ZNF280D: variants seen among roughly 807,000 people sequenced by gnomAD.
ZNF280D encodes zinc finger protein 280D.
ZNF280D carries 39 observed loss-of-function variants against 94.7 expected under a neutral mutation model. The observed-to-expected ratio is 0.41, with a 90% CI of 0.32 to 0.54. The LOEUF is 0.54. Ranked by LOEUF, ZNF280D falls within the 20% of genes least tolerant of loss-of-function variation. The pLI, the probability that ZNF280D is intolerant of heterozygous loss-of-function variation, is 0.22. For missense variants in ZNF280D, 1,090 were observed against 1,149.3 expected (o/e 0.95, Z 0.75); for synonymous variants, 398 against 377.6 (o/e 1.05, Z -0.63).
intron 1 of ZNF280D, among the ~76,000 whole-genome samples, chr15:56,731,079 T>G (rs1280332972): frequency 6.6e-6 from 1 of 152,166 alleles, no homozygotes; most frequent in African/African-American, 2.4e-5. Flanking sequence ...TATTCAAGCC[T>G]TTAGACCCAA....
At position 56,642,990 on chromosome 15, in the gene ZNF280D, T is replaced by C; in HGVS notation, c.2221A>G (p.Lys741Glu). Residue 741 changes from lysine to glutamate, a missense_variant, in exon 20 of 22, where the codon AAA becomes GAA. Physicochemically the swap from Lys to Glu is moderately conservative, Grantham distance 56 (BLOSUM62 1). Transcript: ENST00000267807. Reference sequence around the variant, plus strand: ...TCTTGTTCCTTTGCGGGAGCTTCTTTTTTTAATCTTGAAAACAAGATAAGT... The same window carrying C: ...TCTTGTTCCTTTGCGGGAGCTTCTTCTTTTAATCTTGAAAACAAGATAAGT... Reference protein sequence around the residue: ...PTSEHLSELKKEAPAKEQEPV... With the variant: ...PTSEHLSELKEEAPAKEQEPV... 1 of 1,505,634 alleles carries C rather than the reference T, an allele frequency of 6.6e-7. No individual in the cohort carries two copies. The highest frequency in any genetic ancestry group is 8.8e-7 in the Non-Finnish European group (1 of 1,130,862). 93.3% of individuals were successfully genotyped at this position (1,505,634 alleles called of 1,614,324 possible). A position where few individuals can be genotyped will look rare whatever the true frequency, so the allele number is the denominator to read the frequency against.
intron 13 of ZNF280D, among the ~76,000 whole-genome samples, chr15:56,674,246 G>A (rs2055064644): frequency 6.6e-6 from 1 of 151,922 alleles, no homozygotes; most frequent in African/African-American, 2.4e-5. Context: ...GAGTCCTAAG[G>A]TAGAATACAT....
chr15:56,658,316 T>G, intron 17 of ZNF280D, 108 bp downstream of exon 17: 1 of 761,564 alleles, frequency 1.3e-6, no homozygotes, highest in South Asian at 1.8e-5. Flanking sequence ...TATAAACACA[T>G]AAATTGTATG....
chr15:56,723,674 T>C (rs184995595), intron 1 of ZNF280D, among the ~76,000 whole-genome samples: 28 of 152,272 alleles, frequency 1.8e-4, no homozygotes, highest in East Asian at 1.5e-3. Flanking sequence ...CCCAACCCTA[T>C]AGACTTCCTT....
chr15:56,707,635 C>T (rs1269350701), intron 1 of ZNF280D, among the ~76,000 whole-genome samples: 1 of 152,084 alleles, frequency 6.6e-6, no homozygotes, highest in African/African-American at 2.4e-5. Context: ...TAATCTTTAA[C>T]GTTATCTTTT....
intron 6 of ZNF280D, chr15:56,698,724 C>A (rs2056890273): frequency 6.6e-6 from 1 of 152,162 alleles, no homozygotes; most frequent in Non-Finnish European, 1.5e-5. Context: ...GTAAGGGCAT[C>A]TTGCTAAGGA....
At chr15:56,687,545 T>TA (rs1230833840) in intron 9 of ZNF280D, among the ~76,000 whole-genome samples, 1 of 152,044 alleles carries the variant, frequency 6.6e-6, no homozygotes, top group Non-Finnish European at 1.5e-5. Flanking sequence ...AGGAACCAGG[T>TA]AAAAAAAGAC....
intron 7 of ZNF280D, among the ~76,000 whole-genome samples, chr15:56,690,031 G>A (rs993496805): frequency 2.6e-5 from 4 of 152,212 alleles, no homozygotes; most frequent in South Asian, 4.1e-4. Flanking sequence ...CCCATTCATC[G>A]CTACGCAGAA....
intron 1 of ZNF280D, among the ~76,000 whole-genome samples, chr15:56,708,661 T>C (rs902059202): frequency 2.0e-4 from 30 of 152,244 alleles, no homozygotes; most frequent in Non-Finnish European, 4.4e-4. Flanking sequence ...AAAACAGAGA[T>C]ATAGGCCAAT....
intron 1 of ZNF280D, among the ~76,000 whole-genome samples, chr15:56,714,579 T>C (rs368405934): frequency 6.6e-6 from 1 of 152,146 alleles, no homozygotes; most frequent in Non-Finnish European, 1.5e-5. Context: ...AGGACTAGAA[T>C]AGGGAAAATC....
chr15:56,696,846 T>C (rs1449098952), intron 6 of ZNF280D, among the ~76,000 whole-genome samples: 4 of 152,184 alleles, frequency 2.6e-5, no homozygotes, highest in African/African-American at 9.6e-5. Flanking sequence ...CTCTCATTTT[T>C]TAAAAGAACC....
At chr15:56,646,444 C>A (rs2052897900) in intron 19 of ZNF280D, among the ~76,000 whole-genome samples, 1 of 151,894 alleles carries the variant, frequency 6.6e-6, no homozygotes, top group South Asian at 2.1e-4. Flanking sequence ...CTCAAAAAAA[C>A]AAACAAAAAA....
intron 1 of ZNF280D, among the ~76,000 whole-genome samples, chr15:56,726,210 G>C (rs2058623995): frequency 9.9e-6 from 1 of 101,126 alleles, no homozygotes; most frequent in Non-Finnish European, 2.4e-5. Flanking sequence ...AGTACAACAG[G>C]CTAAAAAAAA....
intron 1 of ZNF280D, among the ~76,000 whole-genome samples, chr15:56,718,421 T>C (rs773366013): frequency 1.3e-5 from 2 of 152,202 alleles, no homozygotes; most frequent in Non-Finnish European, 2.9e-5. Context: ...CAGACACAGA[T>C]TCAGATCAAA....
At chr15:56,676,906 A>G in intron 12 of ZNF280D, 90 bp from the exon 13 acceptor site, 1 of 1,015,218 alleles carries the variant, frequency 9.9e-7, no homozygotes, top group Non-Finnish European at 1.5e-6. Flanking sequence ...TTGTCAGGAG[A>G]ACATTATGTA....
intron 9 of ZNF280D, among the ~76,000 whole-genome samples, chr15:56,686,150 T>C (rs1185637926): frequency 6.6e-6 from 1 of 152,200 alleles, no homozygotes; most frequent in Non-Finnish European, 1.5e-5. Flanking sequence ...AGTTATTTAT[T>C]TTATTTTTGA....
rs534989536 is a variant in ZNF280D, at chr15:56,689,125, A to C, written c.696T>G (p.Ser232=). Residue 232 remains serine, a synonymous_variant, in exon 9 of 22, where the codon TCT becomes TCG. Transcript: ENST00000267807. ...AKGTNTSSNQ[S]KNGTPFPRAC... is the part of the protein sequence containing the mutation. ...CTCTTGGAAAAGGTGTTCCATTTTT[A>C]GACTGATTTGATGAGGTATTTGTAC... is the stretch of plus-strand genomic sequence containing the variant. The C allele has an allele frequency of 6.2e-7, 1 of 1,610,718 alleles. No individual in the cohort carries two copies. Among genetic ancestry groups the C allele is most frequent in the African/African-American group, 1.3e-5 (1 of 74,964 alleles).
At chr15:56,665,831 G>A (rs1488832908) in intron 16 of ZNF280D, among the ~76,000 whole-genome samples, 1 of 151,750 alleles carries the variant, frequency 6.6e-6, no homozygotes, top group Non-Finnish European at 1.5e-5. Flanking sequence ...GCAATAAAAA[G>A]TTCCATGGAA....
chr15:56,707,200 A>C, intron 2 of ZNF280D, 50 bp from the exon 3 acceptor site: 1 of 1,606,110 alleles, frequency 6.2e-7, no homozygotes, highest in Non-Finnish European at 8.5e-7. Context: ...GTAACACCAA[A>C]TATTGAAACA....
Sources: allele counts gnomAD v4.1 joint callset (sites outside exome capture counted in the v4.1 genomes callset), GRCh38; gene constraint gnomAD v4.1.1; transcripts MANE v1.5; gene names NCBI Gene and HGNC (gene_info 2026-07-23, HGNC 2026-07-21).